Variants in CDK13 observed in about 807,000 individuals in gnomAD.
The protein encoded by CDK13 is cyclin-dependent kinase 13.
Under a neutral mutation model 137.6 loss-of-function variants are expected in CDK13, and 40 were observed. The observed-to-expected ratio is 0.29, with a 90% confidence interval of 0.23 to 0.38. The LOEUF (loss-of-function observed/expected upper bound fraction) is 0.38, where lower values mean the gene tolerates loss of function less well. Ranked by LOEUF, CDK13 falls within the 10% of genes least tolerant of loss-of-function variation. CDK13 has a pLI of 1.00. For missense variants in CDK13, 1,704 were observed against 1,951.8 expected (o/e 0.87, Z 2.39); for synonymous variants, 869 against 760.1 (o/e 1.14, Z -2.36).
intron 1 of CDK13, among the ~76,000 whole-genome samples, chr7:39,979,360 G>A (rs1005909123): frequency 2.0e-5 from 3 of 151,860 alleles, no homozygotes; most frequent in African/African-American, 2.4e-5. Context: ...GGGATTACAG[G>A]CATGCGCCAC....
At chr7:40,013,847 A>G (rs774395447) in intron 5 of CDK13, among the ~76,000 whole-genome samples, 55 of 152,178 alleles carry the variant, frequency 3.6e-4, no homozygotes, top group Non-Finnish European at 7.1e-4. Context: ...AATAGAGTCC[A>G]AATTGAGAGG....
At chr7:40,068,727 AAAAAG>A (rs1340216380) in intron 9 of CDK13, among the ~76,000 whole-genome samples, 1 of 150,516 alleles carries the variant, frequency 6.6e-6, no homozygotes, top group Non-Finnish European at 1.5e-5. Context: ...AAAAAAAAAA[AAAAAG>A]GAAACAGTTG....
intron 1 of CDK13, among the ~76,000 whole-genome samples, chr7:39,967,037 C>T (rs1050354029): frequency 5.8e-4 from 88 of 152,240 alleles, no homozygotes; most frequent in Non-Finnish European, 4.4e-5. Flanking sequence ...GGGGTGCCTC[C>T]CAGTTAGGCT....
chr7:40,037,807 T>C (rs1043567285), intron 5 of CDK13, among the ~76,000 whole-genome samples: 4 of 152,192 alleles, frequency 2.6e-5, no homozygotes, highest in African/African-American at 9.7e-5. Context: ...AAAGTAACAA[T>C]GCTGATATTA....
chr7:39,991,411 G>T (rs1238195953), intron 2 of CDK13, among the ~76,000 whole-genome samples: 1 of 151,530 alleles, frequency 6.6e-6, no homozygotes, highest in Non-Finnish European at 1.5e-5. Flanking sequence ...TTTGATCTTT[G>T]CTTTCTTTGA....
chr7:39,962,406 ATG>A (rs1341852659), intron 1 of CDK13, among the ~76,000 whole-genome samples: 1 of 152,178 alleles, frequency 6.6e-6, no homozygotes, highest in East Asian at 1.9e-4. Flanking sequence ...GCATCTTTTC[ATG>A]TGTCTTTTGG....
At chr7:40,092,096 T>G (rs1453525686) in intron 12 of CDK13, among the ~76,000 whole-genome samples, 1 of 141,962 alleles carries the variant, frequency 7.0e-6, no homozygotes, top group Non-Finnish European at 1.6e-5. Flanking sequence ...CATTCCTAAC[T>G]TACCCAAAGT....
intron 1 of CDK13, chr7:39,985,105 C>T (rs913415337): frequency 6.6e-6 from 1 of 150,398 alleles, no homozygotes; most frequent in Admixed American, 6.6e-5. Flanking sequence ...AACCCTCCCC[C>T]GACCCTCCAC....
chr7:40,028,218 CTT>C (rs1209452508), intron 5 of CDK13, among the ~76,000 whole-genome samples: 26 of 118,970 alleles, frequency 2.2e-4, no homozygotes, highest in Admixed American at 3.4e-4. Context: ...CTTGAATTGA[CTT>C]TTTTTTTTTT....
At chr7:40,082,439 T>C (rs557096105) in intron 11 of CDK13, among the ~76,000 whole-genome samples, 2 of 128,896 alleles carry the variant, frequency 1.6e-5, no homozygotes, top group Non-Finnish European at 3.1e-5. Flanking sequence ...TGAGCCAAGA[T>C]GGCGCCACTG....
chr7:40,065,049 T>A (rs1222402866), intron 9 of CDK13, among the ~76,000 whole-genome samples: 1 of 144,516 alleles, frequency 6.9e-6, no homozygotes, highest in Non-Finnish European at 1.5e-5. Flanking sequence ...ACTCAAGCGA[T>A]CATCCTGTCT....
chr7:40,017,570 G>A (rs1785028366), intron 5 of CDK13, among the ~76,000 whole-genome samples: 1 of 151,786 alleles, frequency 6.6e-6, no homozygotes, highest in Non-Finnish European at 1.5e-5. Context: ...CTGTGAATTT[G>A]CCTGTTCCTT....
chr7:40,017,677 C>T (rs1033174830), intron 5 of CDK13, among the ~76,000 whole-genome samples: 2 of 151,138 alleles, frequency 1.3e-5, no homozygotes, highest in Non-Finnish European at 3.0e-5. Context: ...TATTGCTTGC[C>T]CTTTGTTTTT....
chr7:40,090,130 A>G lies in CDK13; in HGVS notation c.3235+1799A>G, dbSNP rs183657858. Among the ~76,000 whole-genome samples, 65 of 152,260 alleles carry G rather than the reference A, an allele frequency of 4.3e-4. No individual in the cohort carries two copies. The East Asian group carries it at 0.011, about 27-fold the overall frequency. ...GCAATAACAGAAATTTTGGATGGTG[A>G]TCTGTTTTCCCAGGCAACAGTTGTC... On this transcript the variant is annotated intron_variant, in intron 12 of 13. Coordinates refer to ENST00000181839, the MANE Select transcript of CDK13 (RefSeq NM_003718.5).
chr7:39,957,392 G>T (rs1484014488), intron 1 of CDK13, among the ~76,000 whole-genome samples: 1 of 146,458 alleles, frequency 6.8e-6, no homozygotes, highest in African/African-American at 2.5e-5. Context: ...GGCTGCCTTT[G>T]TGTTTTCCCT....
Position 39,957,415 on chromosome 7 carries a change from G to T in CDK13, c.1211+5563G>T, listed in dbSNP as rs144494574. On this transcript the variant is annotated intron_variant, in intron 1 of 13. Transcript: ENST00000181839. ...TTGTGTTTTCCCTACTAGATTGTAA[G>T]CTCCTAGAGGACAAATTACAGAGCT... Among the ~76,000 whole-genome samples, 754 of 143,214 alleles carry T rather than the reference G, an allele frequency of 5.3e-3. 3 individuals are homozygous for T. Among genetic ancestry groups the T allele is most frequent in the African/African-American group, 0.018 (734 of 40,422 alleles). The allele number at this position is 143,214 out of a possible 152,430, so 94.0% of individuals were successfully genotyped here. A position where few individuals can be genotyped will look rare whatever the true frequency, so the allele number is the denominator to read the frequency against.
intron 5 of CDK13, among the ~76,000 whole-genome samples, chr7:40,032,695 G>GT (rs1785405774): frequency 6.6e-6 from 1 of 151,210 alleles, no homozygotes; most frequent in African/African-American, 2.4e-5. Flanking sequence ...TCAGTTGACT[G>GT]TTTTTTTAAT....
chr7:40,047,733 T>A (rs1182377947), intron 6 of CDK13, 88 bp from the exon 7 acceptor site: 32 of 796,624 alleles, frequency 4.0e-5, no homozygotes, highest in East Asian at 2.0e-4. Flanking sequence ...TTTTTTTTTT[T>A]AATCAGTTCT....
Position 39,988,068 on chromosome 7 carries a change from G to A in CDK13, c.1681G>A (p.Ala561Thr), listed in dbSNP as rs772597235. 4 of 1,614,118 alleles carry A rather than the reference G, an allele frequency of 2.5e-6. No individual in the cohort carries two copies. In the South Asian group the frequency reaches 3.3e-5, roughly 13 times the overall value. ...GATTGTAGATAAAGCCACCAAGAAAGCAGTCATAGTTGGAAAGGAGAGTAA... is the reference window on the plus strand; with the variant it reads ...GATTGTAGATAAAGCCACCAAGAAAACAGTCATAGTTGGAAAGGAGAGTAA... ...NLIVDKATKK[A>T]VIVGKESKSA... The change falls in exon 2 of 14, where the codon GCA (alanine) becomes ACA (threonine). Residue 561 changes from alanine to threonine, a missense_variant. Coordinates refer to ENST00000181839, the MANE Select transcript of CDK13 (RefSeq NM_003718.5).
Sources: allele counts gnomAD v4.1 joint callset (sites outside exome capture counted in the v4.1 genomes callset), GRCh38; gene constraint gnomAD v4.1.1; transcripts MANE v1.5; gene names NCBI Gene and HGNC (gene_info 2026-07-23, HGNC 2026-07-21).